Variants in MAP4K5 observed in about 807,000 individuals in gnomAD.
MAP4K5 encodes the protein MAPK/ERK kinase kinase kinase 5.
A neutral mutation model predicts 135.6 loss-of-function variants in MAP4K5; 82 were observed. That is an observed-to-expected ratio of 0.60 (90% CI 0.51 to 0.73). The LOEUF (loss-of-function observed/expected upper bound fraction) is 0.73, where lower values mean the gene tolerates loss of function less well. MAP4K5 is among the 30% of genes least tolerant of loss of function. MAP4K5 has a pLI of 0.00. For missense variants in MAP4K5, 907 were observed against 1,010.9 expected, an observed-to-expected ratio of 0.90 and a Z score of 1.39; for synonymous variants, 347 against 335.0, an observed-to-expected ratio of 1.04 and a Z score of -0.39.
At chr14:50,518,542 A>C (rs564686527) in intron 2 of MAP4K5, among the ~76,000 whole-genome samples, 1 of 152,272 alleles carries the variant, frequency 6.6e-6, no homozygotes. Context: ...GCTGGCTTCC[A>C]CACAATTATA....
intron 2 of MAP4K5, among the ~76,000 whole-genome samples, chr14:50,514,525 G>A (rs1244770119): frequency 6.6e-6 from 1 of 152,196 alleles, no homozygotes; most frequent in East Asian, 1.9e-4. Flanking sequence ...TAGAAAGACA[G>A]AAAAGGGAAG....
At chr14:50,457,962 C>A (rs2047344877) in intron 13 of MAP4K5, among the ~76,000 whole-genome samples, 1 of 152,134 alleles carries the variant, frequency 6.6e-6, no homozygotes, top group Non-Finnish European at 1.5e-5. Flanking sequence ...CAACTGGTTA[C>A]CTTTGCGTTT....
At chr14:50,539,536 G>A (rs2038535275) in intron 2 of MAP4K5, among the ~76,000 whole-genome samples, 2 of 152,210 alleles carry the variant, frequency 1.3e-5, no homozygotes, top group South Asian at 4.1e-4. Flanking sequence ...AATTAAACGT[G>A]AGACCCAGTT....
upstream of MAP4K5, among the ~76,000 whole-genome samples, chr14:50,534,055 T>A (rs2038459883): frequency 3.9e-5 from 6 of 152,256 alleles, no homozygotes. Context: ...TTGGCTTCGA[T>A]GACTCAAAAT....
At chr14:50,444,458 T>C (rs926745291) in intron 18 of MAP4K5, among the ~76,000 whole-genome samples, 5 of 152,114 alleles carry the variant, frequency 3.3e-5, no homozygotes, top group African/African-American at 1.2e-4. Context: ...TTTAACATCC[T>C]GCAAGAAGGA....
chr14:50,454,257 GGAGA>G (rs543380256), intron 14 of MAP4K5, among the ~76,000 whole-genome samples: 301 of 152,278 alleles, frequency 2.0e-3, no homozygotes, highest in African/African-American at 6.8e-3. Context: ...TCGCCTGGGC[GGAGA>G]GAGGGCAGGC....
intron 13 of MAP4K5, among the ~76,000 whole-genome samples, chr14:50,458,124 A>G (rs1254248997): frequency 2.6e-5 from 4 of 152,120 alleles, no homozygotes; most frequent in Admixed American, 1.3e-4. Context: ...CCTTCTTCAC[A>G]TTCTTCAAAC....
At chr14:50,484,708 G>A (rs73286590) in intron 5 of MAP4K5, among the ~76,000 whole-genome samples, 5,233 of 152,152 alleles carry the variant, frequency 0.034, 276 homozygotes, top group African/African-American at 0.11. Flanking sequence ...TTTAACCACT[G>A]CTCTATTGAT....
chr14:50,448,869 T>A (rs1381584570), intron 14 of MAP4K5, 37 bp from the exon 15 acceptor site: 8 of 1,060,902 alleles, frequency 7.5e-6, no homozygotes, highest in Non-Finnish European at 1.1e-5. Flanking sequence ...AAACTCAGCA[T>A]CTCAAAGGGT....
At chr14:50,500,392 AAAACAGTT>A (rs1185873615) in intron 3 of MAP4K5, among the ~76,000 whole-genome samples, 4 of 152,214 alleles carry the variant, frequency 2.6e-5, no homozygotes, top group African/African-American at 9.6e-5. Context: ...AAGATCTTGA[AAAACAGTT>A]ACCTCAGGCA....
chr14:50,446,116 G>A lies in MAP4K5; in HGVS notation c.1148C>T (p.Thr383Ile). The change falls in exon 17 of 33, where the codon ACC (threonine) becomes ATC (isoleucine). Residue 383 changes from threonine (T) to isoleucine (I), a missense_variant. Coordinates refer to ENST00000682126, the MANE Select transcript of MAP4K5 (RefSeq NM_006575.6). Reference sequence around the variant, plus strand: ...GGGAGGTGGTATTGCACGTTTTGAGGTTGATCTAATACAAAGAAGAAATGC... The same window carrying A: ...GGGAGGTGGTATTGCACGTTTTGAGATTGATCTAATACAAAGAAGAAATGC... ...FVDGANTGKSTSKRAIPPPLP... is the reference protein window; with the variant it reads ...FVDGANTGKSISKRAIPPPLP... 2 of 1,570,830 alleles carry A rather than the reference G, an allele frequency of 1.3e-6. No individual in the cohort carries two copies. Among genetic ancestry groups the A allele is most frequent in the Non-Finnish European group, 1.7e-6 (2 of 1,161,108 alleles).
At chr14:50,515,052 C>T (rs546185077) in intron 2 of MAP4K5, among the ~76,000 whole-genome samples, 3 of 152,122 alleles carry the variant, frequency 2.0e-5, no homozygotes, top group East Asian at 1.9e-4. Context: ...TACAGGCACT[C>T]GCCGCCACGC....
intron 5 of MAP4K5, among the ~76,000 whole-genome samples, chr14:50,484,609 G>C (rs899287775): frequency 2.0e-5 from 3 of 151,870 alleles, no homozygotes. Flanking sequence ...CAAGCCTTAG[G>C]GATATATACC....
At chr14:50,502,486 T>C (rs1477747575) in intron 3 of MAP4K5, among the ~76,000 whole-genome samples, 1 of 152,028 alleles carries the variant, frequency 6.6e-6, no homozygotes, top group Admixed American at 6.6e-5. Context: ...AGAAATACCA[T>C]AAATATGAAG....
chr14:50,441,305 C>T (rs1330425470), intron 21 of MAP4K5, among the ~76,000 whole-genome samples: 1 of 152,092 alleles, frequency 6.6e-6, no homozygotes, highest in Non-Finnish European at 1.5e-5. Context: ...ATGGAGAAGG[C>T]TAGTGAACAC....
intron 9 of MAP4K5, chr14:50,472,250 A>C (rs2036982395): frequency 6.6e-6 from 1 of 152,502 alleles, no homozygotes; most frequent in African/African-American, 2.4e-5. Context: ...AAACCTTATG[A>C]TTGTAAGACA....
intron 28 of MAP4K5, among the ~76,000 whole-genome samples, chr14:50,432,313 A>G (rs1352933438): frequency 6.6e-6 from 1 of 152,190 alleles, no homozygotes; most frequent in Non-Finnish European, 1.5e-5. Context: ...GGGAAACCTA[A>G]TGAGGACAAA....
At chr14:50,500,050 T>C (rs2037675266) in intron 3 of MAP4K5, among the ~76,000 whole-genome samples, 1 of 152,204 alleles carries the variant, frequency 6.6e-6, no homozygotes, top group African/African-American at 2.4e-5. Flanking sequence ...ATTTTATACC[T>C]AGTCAAATCG....
rs916767011 is a variant in MAP4K5 at position 50,473,653 on chromosome 14, T to C, written c.542+1424A>G. On this transcript the variant is annotated intron_variant, in intron 9 of 32. Coordinates refer to ENST00000682126, the MANE Select transcript of MAP4K5 (RefSeq NM_006575.6). ...CATTTCCTTTTAAGGTTTTATTCTT[T>C]ATGTTCAGAAAGCCTTCCTCAGCTC... Among the ~76,000 whole-genome samples, 3 of 152,072 alleles carry C rather than the reference T, an allele frequency of 2.0e-5. 1 individual carries two copies. The highest frequency in any genetic ancestry group is 1.3e-4 in the Admixed American group (2 of 15,272).
Sources: allele counts gnomAD v4.1 joint callset (sites outside exome capture counted in the v4.1 genomes callset), GRCh38; gene constraint gnomAD v4.1.1; transcripts MANE v1.5; gene names NCBI Gene and HGNC (gene_info 2026-07-23, HGNC 2026-07-21).